The following DOP1B variants were observed in gnomAD, a reference collection of about 807,000 sequenced individuals.
The protein encoded by DOP1B is protein DOP1B.
DOP1B carries 174 observed loss-of-function variants against 233.5 expected under a neutral mutation model. The ratio of observed to expected loss-of-function variants is 0.75; its 90% CI spans 0.66 to 0.85. DOP1B has a LOEUF of 0.85. Ranked by LOEUF, DOP1B falls within the 40% of genes least tolerant of loss-of-function variation. The pLI is 0.00. For missense variants in DOP1B, 2,652 were observed against 2,846.6 expected (o/e 0.93, Z 1.56); for synonymous variants, 1,190 against 1,185.6 (o/e 1.00, Z -0.08).
Position 36,237,349 on chromosome 21 carries a change from T to C in DOP1B, c.2710T>C (p.Cys904Arg). 1 of 1,614,226 alleles carries C rather than the reference T, an allele frequency of 6.2e-7. No homozygotes were observed. Among genetic ancestry groups the C allele is most frequent in the South Asian group, 1.1e-5 (1 of 91,086 alleles). Reference sequence around the variant, plus strand: ...CGTAGAATTGTTCTACCGGCTGCACTGCCTGGCCCCTACGGCCAACATCTG... The same window carrying C: ...CGTAGAATTGTTCTACCGGCTGCACCGCCTGGCCCCTACGGCCAACATCTG... ...TCVELFYRLH[C>R]LAPTANICED... The change falls in exon 16 of 37, where the codon TGC becomes CGC. Residue 904 changes from cysteine to arginine, a missense_variant. By Grantham distance (180) the Cys-to-Arg change is radical (BLOSUM62 -3). Around this residue, in one of 3 missense-constraint regions of DOP1B, gnomAD observed 2,617 missense variants for 2,794.3 expected, o/e 0.94. Transcript: ENST00000691173.
intron 18 of DOP1B, among the ~76,000 whole-genome samples, chr21:36,244,428 T>G (rs2123586350): frequency 6.6e-6 from 1 of 152,186 alleles, no homozygotes; most frequent in South Asian, 2.1e-4. Context: ...TACATTTCTG[T>G]TTTTTTGTTT....
intron 2 of DOP1B, among the ~76,000 whole-genome samples, chr21:36,184,835 G>A (rs1277514628): frequency 6.6e-6 from 1 of 152,214 alleles, no homozygotes; most frequent in African/African-American, 2.4e-5. Flanking sequence ...CAGCCACTCT[G>A]CGCCCAATCT....
chr21:36,278,340 A>T lies in DOP1B; in HGVS notation c.5954A>T (p.Asp1985Val). 1 of 1,613,050 alleles carries T rather than the reference A, an allele frequency of 6.2e-7. No homozygotes were observed. The highest frequency in any genetic ancestry group is 8.5e-7 in the Non-Finnish European group (1 of 1,179,868). ...CTCGACCCCGCTTTCTTTCAGATGG[A>T]TACTTCCTGTGTTCAGTAAGATATG... ...LFLDPAFFQM[D>V]TSCVHWKSII... is the part of the protein sequence containing the mutation. Residue 1985 changes from aspartate (D) to valine (V), a missense_variant, in exon 30 of 37, where the codon GAT (aspartate) becomes GTT (valine). Asp to Val is a radical substitution (Grantham distance 152). This residue lies in a region of DOP1B where 2,617 missense variants were observed against 2,794.3 expected (regional missense o/e 0.94). Transcript: ENST00000691173.
chr21:36,179,490 C>T (rs1461202833), intron 2 of DOP1B, among the ~76,000 whole-genome samples: 2 of 152,088 alleles, frequency 1.3e-5, no homozygotes, highest in African/African-American at 2.4e-5. Context: ...GTTTTAATTC[C>T]ATAGACACAT....
chr21:36,246,011 T>C lies in DOP1B; in HGVS notation c.4031T>C (p.Val1344Ala), dbSNP rs920798008. Reference protein sequence around the residue: ...SHRDILGNRDVQVKSVEVLIR... With the variant: ...SHRDILGNRDAQVKSVEVLIR... ...CGAGACATTCTCGGCAACCGGGACG[T>C]GCAGGTCAAAAGTGTCGAGGTTTTG... The change falls in exon 19 of 37, where the codon GTG (valine) becomes GCG (alanine). Residue 1344 changes from valine (V) to alanine (A), a missense_variant. Around this residue, in one of 3 missense-constraint regions of DOP1B, gnomAD observed 2,617 missense variants for 2,794.3 expected, o/e 0.94. Transcript: ENST00000691173. This position sits in a 1 kb window ranked among gnomAD's most constrained non-coding sequence, Gnocchi z 5.1. 8.1e-6 allele frequency: 13 copies of C among 1,613,714 alleles called. No homozygotes were observed. Among genetic ancestry groups the C allele is most frequent in the Non-Finnish European group, 8.5e-7 (1 of 1,179,960 alleles).
intron 32 of DOP1B, among the ~76,000 whole-genome samples, chr21:36,283,936 CTTTTTTTTTTTTT>C (rs547999186): frequency 1.8e-4 from 18 of 100,998 alleles, no homozygotes; most frequent in Non-Finnish European, 2.6e-4. Context: ...ACACCTGTTC[CTTTTTTTTTTTTT>C]TTTTTTTTTT....
intron 17 of DOP1B, 51 bp from the exon 18 acceptor site, chr21:36,239,703 CCACGGTGCCTG>C: frequency 6.8e-7 from 1 of 1,470,366 alleles, no homozygotes; most frequent in Non-Finnish European, 9.1e-7. Context: ...CCAGTGTCTG[CCACGGTGCCTG>C]GCGCACAGGG....
intron 22 of DOP1B, among the ~76,000 whole-genome samples, chr21:36,252,855 G>A (rs975448990): frequency 2.0e-5 from 3 of 152,186 alleles, no homozygotes; most frequent in Non-Finnish European, 4.4e-5. Flanking sequence ...GGTCCATGAT[G>A]AAGTCCTGCA....
At chr21:36,279,518 G>C (rs1476429450) in intron 30 of DOP1B, among the ~76,000 whole-genome samples, 1 of 152,158 alleles carries the variant, frequency 6.6e-6, no homozygotes, top group African/African-American at 2.4e-5. Flanking sequence ...CTTTTTGTAT[G>C]GCATGAAAGC....
At chr21:36,258,610 C>T (rs888118081) in intron 23 of DOP1B, among the ~76,000 whole-genome samples, 3 of 152,166 alleles carry the variant, frequency 2.0e-5, no homozygotes, top group Non-Finnish European at 2.9e-5. Flanking sequence ...GTCCAGGCCC[C>T]GAGGGCCTGG....
chr21:36,181,516 T>G (rs2066098189), intron 2 of DOP1B, among the ~76,000 whole-genome samples: 1 of 151,814 alleles, frequency 6.6e-6, no homozygotes, highest in South Asian at 2.1e-4. Context: ...TGACCTCATG[T>G]GATCCACCCC....
rs77696046 is a variant in DOP1B, at chr21:36,230,730, C to T, written c.1946C>T (p.Ala649Val). 9,934 of 1,614,130 alleles carry T rather than the reference C, an allele frequency of 6.2e-3. 49 individuals are homozygous for T. Among genetic ancestry groups the T allele is most frequent in the Non-Finnish European group, 6.7e-3 (7,939 of 1,180,036 alleles). The change falls in exon 14 of 37, where the codon GCG (alanine) becomes GTG (valine). Residue 649 changes from alanine to valine, a missense_variant. By Grantham distance (64) the Ala-to-Val change is moderately conservative (BLOSUM62 0). This residue lies in a region of DOP1B where 2,617 missense variants were observed against 2,794.3 expected (regional missense o/e 0.94). Coordinates refer to ENST00000691173, the MANE Select transcript of DOP1B (RefSeq NM_001320714.2). ...AACATTTTTGGAGTACAGCTGACAGCGTCAGGAGAAGAAAGCAAGTCCGAG... is the reference window on the plus strand; with the variant it reads ...AACATTTTTGGAGTACAGCTGACAGTGTCAGGAGAAGAAAGCAAGTCCGAG... ...SKNIFGVQLT[A>V]SGEESKSEEP...
chr21:36,174,954 T>C (rs1040000037), intron 2 of DOP1B, among the ~76,000 whole-genome samples: 1 of 152,060 alleles, frequency 6.6e-6, no homozygotes, highest in African/African-American at 2.4e-5. Context: ...CAACAGATTG[T>C]TTTGTTTCAC....
chr21:36,186,214 AAG>A (rs3028916), intron 2 of DOP1B, among the ~76,000 whole-genome samples: 340 of 152,076 alleles, frequency 2.2e-3, no homozygotes, highest in African/African-American at 8.0e-3. Flanking sequence ...CAAAAAAAAA[AAG>A]AAGTAATTTT....
At chr21:36,167,940 C>CTTTTTTTTTTTTTTTTTT (rs869190433) in intron 2 of DOP1B, among the ~76,000 whole-genome samples, 1 of 40,012 alleles carries the variant, frequency 2.5e-5, no homozygotes, top group African/African-American at 7.2e-5. Context: ...TTTTCTTTTT[C>CTTTTTTTTTTTTTTTTTT]TTTTTTTTTT....
chr21:36,160,554 T>C (rs1321801697), intron 1 of DOP1B, among the ~76,000 whole-genome samples: 1 of 148,096 alleles, frequency 6.8e-6, no homozygotes. Flanking sequence ...CCCAGCTCAC[T>C]GTAACTTCCA....
In DOP1B at chr21:36,237,313, C is replaced by T; in HGVS notation, c.2674C>T (p.His892Tyr). Residue 892 changes from histidine to tyrosine, a missense_variant, in exon 16 of 37, where the codon CAC (histidine) becomes TAC (tyrosine). Transcript: ENST00000691173. ...NQLNKETREH[H>Y]VTCVELFYRL... ...GCTGAACAAAGAGACCCGGGAGCAT[C>T]ACGTCACCTGCGTAGAATTGTTCTA... 2 of 1,614,170 alleles carry T rather than the reference C, an allele frequency of 1.2e-6. No individual in the cohort carries two copies. The highest frequency in any genetic ancestry group is 1.7e-6 in the Non-Finnish European group (2 of 1,180,046).
chr21:36,238,824 C>A, intron 17 of DOP1B, 123 bp downstream of exon 17: 2 of 918,878 alleles, frequency 2.2e-6, no homozygotes, highest in South Asian at 1.5e-5. Context: ...CCCATATGAC[C>A]GGGTGTGGTG....
chr21:36,158,482 C>T (rs964531095), intron 1 of DOP1B, among the ~76,000 whole-genome samples: 6 of 152,112 alleles, frequency 3.9e-5, no homozygotes, highest in African/African-American at 1.2e-4. Context: ...GGCCTAATAC[C>T]CATCTCACAG....
Sources: gnomAD v4.1 joint callset for allele counts (sites outside exome capture counted in the v4.1 genomes callset) on GRCh38, gnomAD v4.1.1 for gene constraint, gnomAD v4.1.1 regional missense constraint, Gnocchi (gnomAD v3.1) non-coding constraint, MANE v1.5 for transcripts, NCBI Gene and HGNC (gene_info 2026-07-23, HGNC 2026-07-21) for gene names.